The following ATP9B variants were observed in gnomAD, a reference collection of about 807,000 sequenced individuals.
The protein encoded by ATP9B is probable phospholipid-transporting ATPase IIB.
In ATP9B, 110 loss-of-function variants were observed where a neutral mutation model predicts 146.1. That is an observed-to-expected ratio of 0.75 (90% CI 0.65 to 0.88). The LOEUF (loss-of-function observed/expected upper bound fraction) is 0.88. Ranked by LOEUF, ATP9B falls within the 40% of genes least tolerant of loss-of-function variation. The pLI, the probability that ATP9B is intolerant of heterozygous loss-of-function variation, is 0.00. For missense variants in ATP9B, 1,499 were observed against 1,496.4 expected, an observed-to-expected ratio of 1.00 and a Z score of -0.03; for synonymous variants, 604 against 569.7, an observed-to-expected ratio of 1.06 and a Z score of -0.86.
intron 4 of ATP9B, chr18:79,117,338 A>T (rs958304227): frequency 2.6e-5 from 4 of 152,256 alleles, no homozygotes; most frequent in Non-Finnish European, 5.9e-5. Context: ...CCACGTAGCC[A>T]TCCATCAGGC....
chr18:79,096,895 G>A (rs1023347428), intron 2 of ATP9B, among the ~76,000 whole-genome samples: 1 of 152,182 alleles, frequency 6.6e-6, no homozygotes, highest in Admixed American at 6.5e-5. Flanking sequence ...GGTGGCTCAT[G>A]CCTGTAATCC....
rs116248037 is a variant in ATP9B at position 79,314,408 on chromosome 18, A to G, written c.1773+7174A>G. Among the ~76,000 whole-genome samples, 1,005 of 152,314 alleles carry G rather than the reference A, an allele frequency of 6.6e-3. 6 individuals are homozygous for G. Among genetic ancestry groups the G allele is most frequent in the African/African-American group, 0.023 (940 of 41,564 alleles). ...AAACAATCTTTCTCCTTACCTACAC[A>G]TGTGCATAGATGAATCTGTATTATA... On this transcript the variant is annotated intron_variant, in intron 15 of 29. Coordinates refer to ENST00000426216, the MANE Select transcript of ATP9B (RefSeq NM_198531.5).
At position 79,071,399 on chromosome 18, in the gene ATP9B, CT is replaced by C. The variant is rs56119715; in HGVS notation, c.119+1884del. Among the ~76,000 whole-genome samples, 48 of 69,282 alleles carry C rather than the reference CT, an allele frequency of 6.9e-4. 4 individuals are homozygous for C. The highest frequency in any genetic ancestry group is 0.02 in the Middle Eastern group (1 of 50). 45.5% of individuals were successfully genotyped at this position (69,282 alleles called of 152,430 possible). A position where few individuals can be genotyped will look rare whatever the true frequency, so the allele number is the denominator to read the frequency against. On this transcript the variant is annotated intron_variant, in intron 1 of 29. Transcript: ENST00000426216. ...ATTTCCCCTTTTTCTATTGTTCTTC[CT>C]TTTTTTTTTTTTTGAGACAGGGTCT...
At chr18:79,376,281 G>A (rs2097103058) in intron 29 of ATP9B, 1 of 984,966 alleles carries the variant, frequency 1.0e-6, no homozygotes. Context: ...GTGAGCTGGT[G>A]TCTCTTCCCT....
intron 12 of ATP9B, among the ~76,000 whole-genome samples, chr18:79,274,468 A>G (rs2096285751): frequency 6.6e-6 from 1 of 152,064 alleles, no homozygotes; most frequent in Non-Finnish European, 1.5e-5. Context: ...GGTATTAAAT[A>G]CCCCATGTGG....
At chr18:79,137,823 C>T (rs1023474330) in intron 5 of ATP9B, among the ~76,000 whole-genome samples, 1 of 152,202 alleles carries the variant, frequency 6.6e-6, no homozygotes, top group African/African-American at 2.4e-5. Flanking sequence ...CTTTGCTCTC[C>T]ACCAGCATCC....
At chr18:79,305,432 G>A (rs746417306) in intron 14 of ATP9B, among the ~76,000 whole-genome samples, 13 of 152,028 alleles carry the variant, frequency 8.6e-5, no homozygotes, top group Non-Finnish European at 1.8e-4. Flanking sequence ...ACAAACATAC[G>A]TACACAGCCA....
rs373738625 is a variant in ATP9B, at chr18:79,329,283, G to A, written c.1916G>A (p.Arg639Gln). The change falls in exon 16 of 30, where the codon CGG becomes CAG. Residue 639 changes from arginine (R) to glutamine (Q), a missense_variant. Transcript: ENST00000426216. ...QLFPFTSESK[R>Q]MGVIVRDEST... ...TTTCCCTTCACCTCCGAGAGCAAGCGGATGGGCGTCATCGTCAGGGTGAGG... is the reference window on the plus strand; with the variant it reads ...TTTCCCTTCACCTCCGAGAGCAAGCAGATGGGCGTCATCGTCAGGGTGAGG... The A allele has an allele frequency of 1.1e-5, 18 of 1,608,986 alleles. No homozygotes were observed. Among genetic ancestry groups the A allele is most frequent in the African/African-American group, 5.4e-5 (4 of 74,764 alleles).
intron 2 of ATP9B, 141 bp from the exon 3 acceptor site, chr18:79,110,214 C>G: frequency 2.7e-6 from 2 of 741,080 alleles, no homozygotes; most frequent in East Asian, 3.3e-5. Flanking sequence ...TAAGAAAAAC[C>G]CCACAAATTA....
chr18:79,081,921 T>G (rs1259801447), intron 1 of ATP9B, among the ~76,000 whole-genome samples: 2 of 152,084 alleles, frequency 1.3e-5, no homozygotes, highest in East Asian at 3.9e-4. Context: ...CTTTGTGGTG[T>G]TCTCTGTATT....
At chr18:79,336,766 A>C in intron 18 of ATP9B, 55 bp downstream of exon 18, 1 of 1,544,716 alleles carries the variant, frequency 6.5e-7, no homozygotes, top group South Asian at 1.1e-5. Context: ...CCTTACGCTG[A>C]AATTAGTTCT....
At chr18:79,250,334 C>T (rs996126063) in intron 11 of ATP9B, among the ~76,000 whole-genome samples, 2 of 152,190 alleles carry the variant, frequency 1.3e-5, no homozygotes, top group Non-Finnish European at 2.9e-5. Flanking sequence ...AAGACCAACT[C>T]TGGAAGGCCA....
At chr18:79,248,968 T>C (rs1021769621) in intron 11 of ATP9B, among the ~76,000 whole-genome samples, 1 of 152,118 alleles carries the variant, frequency 6.6e-6, no homozygotes, top group African/African-American at 2.4e-5. Flanking sequence ...GCCGTGTACA[T>C]TGATTGCTTA....
chr18:79,155,501 G>C (rs1353602050), intron 7 of ATP9B, among the ~76,000 whole-genome samples: 2 of 152,094 alleles, frequency 1.3e-5, no homozygotes, highest in African/African-American at 4.8e-5. Flanking sequence ...AAACGAGAGA[G>C]GTATATCAAG....
chr18:79,291,334 A>G (rs1368391222), intron 13 of ATP9B, among the ~76,000 whole-genome samples: 2 of 152,144 alleles, frequency 1.3e-5, no homozygotes, highest in African/African-American at 2.4e-5. Context: ...TTGGGGGCAT[A>G]TTAATTTCTG....
intron 7 of ATP9B, among the ~76,000 whole-genome samples, chr18:79,166,757 G>A (rs998431400): frequency 6.6e-6 from 1 of 152,188 alleles, no homozygotes; most frequent in Non-Finnish European, 1.5e-5. Context: ...AACCTCTATG[G>A]CCCGTGGAGC....
intron 12 of ATP9B, among the ~76,000 whole-genome samples, chr18:79,269,339 A>G (rs1032395696): frequency 6.6e-6 from 1 of 152,188 alleles, no homozygotes; most frequent in African/African-American, 2.4e-5. Context: ...GACCTGTCCA[A>G]CAAGTACTCA....
Position 79,176,904 on chromosome 18 carries a change from G to C in ATP9B, c.870G>C (p.Leu290=). The C allele has an allele frequency of 6.2e-7, 1 of 1,613,646 alleles. No individual in the cohort carries two copies. Among genetic ancestry groups the C allele is most frequent in the Non-Finnish European group, 8.5e-7 (1 of 1,179,680 alleles). Residue 290 remains leucine (L), a synonymous_variant, in exon 8 of 30, where the codon CTG becomes CTC. Transcript: ENST00000426216. ...AVSCTQQLPA[L]GDLFSISAYV... ...GCTGCACGCAACAGCTGCCGGCTCT[G>C]GGGGTGAGCAGCACCAAGACTACTC...
chr18:79,118,323 A>G (rs2094123290), intron 4 of ATP9B, among the ~76,000 whole-genome samples: 1 of 150,254 alleles, frequency 6.7e-6, no homozygotes, highest in Non-Finnish European at 1.5e-5. Flanking sequence ...GTATAGCATT[A>G]TAGAAACTTT....
Sources: allele counts gnomAD v4.1 joint callset (sites outside exome capture counted in the v4.1 genomes callset), GRCh38; gene constraint gnomAD v4.1.1; transcripts MANE v1.5; gene names NCBI Gene and HGNC (gene_info 2026-07-23, HGNC 2026-07-21).